Variants in CUX2 observed in about 807,000 individuals in gnomAD.
CUX2 encodes the protein cut like homeobox 2, also known as homeobox protein cut-like 2.
CUX2 carries 40 observed loss-of-function variants against 144.8 expected under a neutral mutation model. The ratio of observed to expected loss-of-function variants is 0.28; its 90% CI spans 0.21 to 0.36. CUX2 has a LOEUF of 0.36. Ranked by LOEUF, CUX2 falls within the 10% of genes least tolerant of loss-of-function variation. The probability of loss-of-function intolerance (pLI) is 1.00; values close to 1 mark genes in which losing one functional copy is unlikely to be tolerated. For synonymous variants in CUX2, 827 were observed against 875.6 expected, an observed-to-expected ratio of 0.94 and a Z score of 0.98; for missense variants, 1,615 against 1,994.0, an observed-to-expected ratio of 0.81 and a Z score of 3.62.
Position 111,068,199 on chromosome 12 carries a change from G to A in CUX2, c.63+33959G>A, listed in dbSNP as rs964044421. ...AAAAAAGATCATCTTGGAAAAGATT[G>A]TTTTGTGTGCAGTTTACCCAAATGC... On this transcript the variant is annotated intron_variant, in intron 1 of 21. Transcript: ENST00000261726. This position sits in a 1 kb window ranked among gnomAD's most constrained non-coding sequence, Gnocchi z 4.9. Among the ~76,000 whole-genome samples the A allele has an allele frequency of 6.6e-6, 1 of 152,166 alleles. No individual in the cohort carries two copies. The highest frequency in any genetic ancestry group is 1.5e-5 in the Non-Finnish European group (1 of 68,030).
At chr12:111,303,316 G>C (rs1196796537) in intron 9 of CUX2, among the ~76,000 whole-genome samples, 1 of 150,022 alleles carries the variant, frequency 6.7e-6, no homozygotes, top group Non-Finnish European at 1.5e-5. Flanking sequence ...CTTTGTGTTA[G>C]ATGTTTTCAT....
At chr12:111,215,422 A>G (rs1037086845) in intron 2 of CUX2, among the ~76,000 whole-genome samples, 2 of 152,200 alleles carry the variant, frequency 1.3e-5, no homozygotes, top group African/African-American at 4.8e-5. Flanking sequence ...CAAGTCATAA[A>G]TGTCTTTGGT....
chr12:111,247,080 T>C (rs756309821), intron 3 of CUX2, among the ~76,000 whole-genome samples: 2 of 152,212 alleles, frequency 1.3e-5, no homozygotes, highest in African/African-American at 2.4e-5. Flanking sequence ...TTAATCCTGA[T>C]GATAACCCTC....
rs570123355 is a variant in CUX2, at chr12:111,277,655, C to T, written c.302-13763C>T. ...CCCCAGGAGGGCAGGAATTTTCTAT[C>T]ATTTCCTGCTGGACCTCCACGGCCC... On this transcript the variant is annotated intron_variant, in intron 4 of 21. Transcript: ENST00000261726. This position sits in a 1 kb window ranked among gnomAD's most constrained non-coding sequence, Gnocchi z 5.0. 1.3e-5 allele frequency among the ~76,000 whole-genome samples: 2 copies of T among 152,274 alleles called. No individual in the cohort carries two copies. The highest frequency in any genetic ancestry group is 4.8e-5 in the African/African-American group (2 of 41,554).
intron 1 of CUX2, among the ~76,000 whole-genome samples, chr12:111,081,871 C>T (rs1215399043): frequency 6.6e-6 from 1 of 152,030 alleles, no homozygotes; most frequent in Admixed American, 6.5e-5. Flanking sequence ...TTTTCCAAAA[C>T]TGTAAGACCA....
intron 2 of CUX2, among the ~76,000 whole-genome samples, chr12:111,216,155 G>A (rs1231272488): frequency 6.6e-6 from 1 of 152,194 alleles, no homozygotes; most frequent in African/African-American, 2.4e-5. Context: ...ACGAAGTCCC[G>A]CCAAACCCAT....
chr12:111,277,238 C>T lies in CUX2; in HGVS notation c.301+13399C>T, dbSNP rs558121120. 1.6e-3 allele frequency among the ~76,000 whole-genome samples: 239 copies of T among 152,236 alleles called. 1 individual carries two copies. The highest frequency in any genetic ancestry group is 2.8e-3 in the Non-Finnish European group (192 of 68,000). On this transcript the variant is annotated intron_variant, in intron 4 of 21. Coordinates refer to ENST00000261726, the MANE Select transcript of CUX2 (RefSeq NM_015267.4). The surrounding 1 kb of genome is among the most constrained non-coding windows in gnomAD (Gnocchi z 5.0). ...CATAGCACCCCGCCCTCCCAGCCTG[C>T]GCAGGGAGGGGAAAGGAGATTGGCA...
At chr12:111,233,879 C>A (rs1396267884) in intron 3 of CUX2, among the ~76,000 whole-genome samples, 1 of 152,144 alleles carries the variant, frequency 6.6e-6, no homozygotes, top group African/African-American at 2.4e-5. Flanking sequence ...CAGTCTAGCG[C>A]TGGTTGATAG....
chr12:111,125,278 CA>C (rs1389958125), intron 1 of CUX2, among the ~76,000 whole-genome samples: 2 of 151,626 alleles, frequency 1.3e-5, no homozygotes, highest in African/African-American at 4.9e-5. Flanking sequence ...CTCTTGGGTT[CA>C]AGCGATTCTC....
At position 111,348,127 on chromosome 12, in the gene CUX2, C is replaced by T; in HGVS notation, c.4263C>T (p.Ser1421=). The stretch of plus-strand genomic sequence containing the variant: ...TCCCCTCCTCCTCAGCTCCCATCTC[C>T]CCATCCCCACCTGGCGCCCCCCCTG... ...SPVPSSSAPI[S]PSPPGAPPAK... The change falls in exon 22 of 22, where the codon TCC becomes TCT. Residue 1421 remains serine (S), a synonymous_variant. Transcript: ENST00000261726. 1.2e-6 allele frequency: 2 copies of T among 1,614,144 alleles called. No homozygotes were observed. Among genetic ancestry groups the T allele is most frequent in the Non-Finnish European group, 1.7e-6 (2 of 1,180,008 alleles).
At chr12:111,222,374 A>C (rs1379261669) in intron 3 of CUX2, among the ~76,000 whole-genome samples, 1 of 152,234 alleles carries the variant, frequency 6.6e-6, no homozygotes, top group East Asian at 1.9e-4. Flanking sequence ...GCGCGTGTGC[A>C]CTGTCCCAGC....
chr12:111,040,986 A>G (rs1869717814), intron 1 of CUX2, among the ~76,000 whole-genome samples: 2 of 152,176 alleles, frequency 1.3e-5, no homozygotes, highest in Non-Finnish European at 2.9e-5. Flanking sequence ...TTAACTTTTC[A>G]GTTAAGAGTA....
intron 1 of CUX2, among the ~76,000 whole-genome samples, chr12:111,205,382 A>C (rs1880859508): frequency 6.6e-6 from 1 of 152,180 alleles, no homozygotes; most frequent in Non-Finnish European, 1.5e-5. Context: ...CCCAAGATGC[A>C]GAATAGGACA....
At chr12:111,200,031 G>A (rs533773846) in intron 1 of CUX2, among the ~76,000 whole-genome samples, 3 of 152,196 alleles carry the variant, frequency 2.0e-5, no homozygotes, top group Non-Finnish European at 2.9e-5. Flanking sequence ...ATCAGGAGGG[G>A]AGGTGAACAG....
chr12:111,277,763 C>A lies in CUX2; in HGVS notation c.302-13655C>A, dbSNP rs6490039. Among the ~76,000 whole-genome samples, 18,160 of 152,200 alleles carry A rather than the reference C, an allele frequency of 0.12. 1,665 individuals carry two copies. The highest frequency in any genetic ancestry group is 0.25 in the African/African-American group (10,382 of 41,490). The stretch of plus-strand genomic sequence containing the variant: ...CTGTCAACACGTAGTGGACTGGTGG[C>A]TAAATGACGACTGCATTAGGGACTC... On this transcript the variant is annotated intron_variant, in intron 4 of 21. Transcript: ENST00000261726. The surrounding 1 kb of genome is among the most constrained non-coding windows in gnomAD (Gnocchi z 5.0).
intron 19 of CUX2, among the ~76,000 whole-genome samples, chr12:111,337,286 G>A (rs1206008926): frequency 1.3e-5 from 2 of 150,978 alleles, no homozygotes; most frequent in Non-Finnish European, 2.9e-5. Flanking sequence ...CTGGGAGGCA[G>A]AGGTTATAGT....
rs550604611 is a variant in CUX2, at chr12:111,083,366, A to G, written c.63+49126A>G. On this transcript the variant is annotated intron_variant, in intron 1 of 21. Transcript: ENST00000261726. The stretch of plus-strand genomic sequence containing the variant: ...AGGCCAAGGAGACCACGAAGGAGAC[A>G]GATGTTGGAGCCTGGGGCCGGGGTC... Among the ~76,000 whole-genome samples, 13 of 152,274 alleles carry G rather than the reference A, an allele frequency of 8.5e-5. 1 individual carries two copies. Among genetic ancestry groups the G allele is most frequent in the Admixed American group, 3.9e-4 (6 of 15,296 alleles).
chr12:111,329,656 G>T (rs1289667763), intron 18 of CUX2, among the ~76,000 whole-genome samples: 2 of 152,130 alleles, frequency 1.3e-5, no homozygotes, highest in Admixed American at 1.3e-4. Flanking sequence ...TTGTTTTCGA[G>T]GTGGAGTCTT....
chr12:111,218,488 C>A (rs1009582101), intron 3 of CUX2, among the ~76,000 whole-genome samples: 1 of 152,108 alleles, frequency 6.6e-6, no homozygotes, highest in Non-Finnish European at 1.5e-5. Context: ...TGCACACCAA[C>A]CTGGGTGACA....
Sources: allele counts gnomAD v4.1 joint callset (sites outside exome capture counted in the v4.1 genomes callset), GRCh38; gene constraint gnomAD v4.1.1; non-coding constraint Gnocchi (gnomAD v3.1); transcripts MANE v1.5; gene names NCBI Gene and HGNC (gene_info 2026-07-23, HGNC 2026-07-21).